Variants in ARMCX4 observed in about 807,000 individuals in gnomAD.
ARMCX4 encodes the protein armadillo repeat-containing X-linked protein 4.
A neutral mutation model predicts 34.7 loss-of-function variants in ARMCX4; 3 were observed. That is an observed-to-expected ratio of 0.09 (90% CI 0.04 to 0.22). The LOEUF (loss-of-function observed/expected upper bound fraction) is 0.22. Among genes scored for constraint, ARMCX4 ranks in the 10% least tolerant of loss-of-function variants. ARMCX4 has a pLI of 1.00. For missense variants in ARMCX4, 1,448 were observed against 1,720.8 expected (o/e 0.84, Z 2.81); for synonymous variants, 513 against 632.8 (o/e 0.81, Z 2.84).
At chrX:101,420,482 G>A (rs1929169465) in intron 2 of ARMCX4, among the ~76,000 whole-genome samples, 1 of 112,159 alleles carries the variant, frequency 8.9e-6, no homozygotes, top group Non-Finnish European at 1.9e-5. Flanking sequence ...AGTACAGTGG[G>A]GAGCCAAGTA....
intron 11 of ARMCX4, among the ~76,000 whole-genome samples, chrX:101,526,939 G>A (rs1301743453): frequency 9.0e-6 from 1 of 111,456 alleles, no homozygotes; most frequent in Non-Finnish European, 1.9e-5. Flanking sequence ...AGAAGGTTAA[G>A]AAGGATATCC....
intron 2 of ARMCX4, among the ~76,000 whole-genome samples, chrX:101,434,720 T>G (rs1488133432): frequency 3.7e-5 from 4 of 109,410 alleles, no homozygotes; most frequent in African/African-American, 1.3e-4. Context: ...ATGTGCCATG[T>G]TGGTGTGCTG....
intron 2 of ARMCX4, among the ~76,000 whole-genome samples, chrX:101,432,807 T>C (rs782471437): frequency 1.9e-5 from 2 of 105,269 alleles, no homozygotes; most frequent in African/African-American, 3.4e-5. Flanking sequence ...CACATGTATG[T>C]ATACATATAT....
downstream of ARMCX4, among the ~76,000 whole-genome samples, chrX:101,452,867 T>TTTATTATTATTATTA (rs10634734): frequency 0.017 from 1,740 of 102,129 alleles, 84 homozygotes; most frequent in Admixed American, 0.11. Flanking sequence ...GGCTGTTTGT[T>TTTATTATTATTATTA]TTATTATTAT....
intron 2 of ARMCX4, among the ~76,000 whole-genome samples, chrX:101,486,654 C>T (rs964776707): frequency 6.3e-5 from 7 of 111,334 alleles, no homozygotes; most frequent in Non-Finnish European, 9.4e-5. Flanking sequence ...CTTGTTGGGC[C>T]TAGTAGCTCT....
intron 7 of ARMCX4, chrX:101,504,802 A>G (rs1212756849): frequency 9.0e-6 from 1 of 111,453 alleles, no homozygotes; most frequent in Non-Finnish European, 1.9e-5. Context: ...CTTCTTGGGC[A>G]AAAAGGTCCA....
intron 2 of ARMCX4, among the ~76,000 whole-genome samples, chrX:101,420,563 C>A (rs1929178669): frequency 1.8e-5 from 2 of 110,890 alleles, no homozygotes; most frequent in Admixed American, 1.9e-4. Context: ...GTACATGGTG[C>A]AATGAGAGCC....
chrX:101,492,455 T>C lies in ARMCX4; in HGVS notation c.3866T>C (p.Val1289Ala). 6.9e-6 allele frequency: 8 copies of C among 1,151,956 alleles called. No homozygotes were observed. Among genetic ancestry groups the C allele is most frequent in the Non-Finnish European group, 9.2e-6 (8 of 871,414 alleles). The allele number at this position is 1,151,956 out of a possible 1,213,427, so 94.9% of individuals were successfully genotyped here. A position where few individuals can be genotyped will look rare whatever the true frequency, so the allele number is the denominator to read the frequency against. Reference sequence around the variant, plus strand: ...GCTGGGGCTGGGAATATGAGTAGTGTTTCATACTGGGCTGGGGTTGTGGAT... The same window carrying C: ...GCTGGGGCTGGGAATATGAGTAGTGCTTCATACTGGGCTGGGGTTGTGGAT... ...AGAGAGNMSSVSYWAGVVDQA... is the reference protein window; with the variant it reads ...AGAGAGNMSSASYWAGVVDQA... Residue 1289 changes from valine to alanine, a missense_variant, in exon 6 of 6, where the codon GTT becomes GCT. Around this residue, in one of 2 missense-constraint regions of ARMCX4, gnomAD observed 1,343 missense variants for 1,540.7 expected, o/e 0.87. Coordinates refer to ENST00000423738, the MANE Select transcript of ARMCX4 (RefSeq NM_001256155.3).
At chrX:101,449,637 A>C (rs782240091), downstream of ARMCX4, among the ~76,000 whole-genome samples, 25 of 111,633 alleles carry the variant, frequency 2.2e-4, no homozygotes, top group Non-Finnish European at 4.1e-4. Flanking sequence ...AATTTCTTTG[A>C]ATTTCCTCAA....
At position 101,489,406 on chromosome X, in the gene ARMCX4, G is replaced by A; in HGVS notation, c.817G>A (p.Gly273Arg). Residue 273 changes from glycine (G) to arginine (R), a missense_variant, in exon 6 of 6, where the codon GGA becomes AGA. Coordinates refer to ENST00000423738, the MANE Select transcript of ARMCX4 (RefSeq NM_001256155.3). ...CAATGGCATGTCCAGGGAGGTGGCT[G>A]GAGTGGACATGAAGTCCTGTGCACA... The part of the protein sequence containing the change: ...NPNGMSREVA[G>R]VDMKSCAQSQ... 1 of 1,155,623 alleles carries A rather than the reference G, an allele frequency of 8.7e-7. No individual in the cohort carries two copies. Among genetic ancestry groups the A allele is most frequent in the East Asian group, 3.2e-5 (1 of 30,778 alleles).
chrX:101,448,781 C>T (rs1416688938), downstream of ARMCX4, among the ~76,000 whole-genome samples: 4 of 110,438 alleles, frequency 3.6e-5, no homozygotes, highest in Admixed American at 1.9e-4. Context: ...TTAGGAGAGA[C>T]GGGGTTTCAC....
rs1412244962 is a variant in ARMCX4, at chrX:101,490,194, G to A, written c.1605G>A (p.Lys535=). The change falls in exon 6 of 6, where the codon AAG becomes AAA. Residue 535 remains lysine (K), a synonymous_variant. Transcript: ENST00000423738. ...RGKARGKAKA[K]CKTGPGMDMK... Reference sequence around the variant, plus strand: ...AGGCTAGGGGCAAAGCCAAAGCCAAGTGTAAGACAGGGCCTGGGATGGACA... The same window carrying A: ...AGGCTAGGGGCAAAGCCAAAGCCAAATGTAAGACAGGGCCTGGGATGGACA... 4 of 1,154,315 alleles carry A rather than the reference G, an allele frequency of 3.5e-6. No individual in the cohort carries two copies. The African/African-American group carries it at 5.4e-5, about 16-fold the overall frequency.
At chrX:101,519,437 G>C (rs183072911) in intron 11 of ARMCX4, among the ~76,000 whole-genome samples, 82 of 111,217 alleles carry the variant, frequency 7.4e-4, no homozygotes, top group African/African-American at 2.2e-3. Context: ...TCTGTGACTG[G>C]CTTATTTCAT....
chrX:101,432,830 G>A (rs1930193198), intron 2 of ARMCX4, among the ~76,000 whole-genome samples: 1 of 99,374 alleles, frequency 1.0e-5, no homozygotes, highest in Non-Finnish European at 2.0e-5. Flanking sequence ...GTATATACGT[G>A]TATATATGTA....
chrX:101,433,729 G>A (rs1444705907), intron 2 of ARMCX4, among the ~76,000 whole-genome samples: 1 of 111,063 alleles, frequency 9.0e-6, no homozygotes, highest in Non-Finnish European at 1.9e-5. Context: ...TATCGATTGA[G>A]TACAGAAAAC....
At chrX:101,434,868 G>C (rs1555993946) in intron 2 of ARMCX4, among the ~76,000 whole-genome samples, 3 of 103,620 alleles carry the variant, frequency 2.9e-5, no homozygotes, top group Admixed American at 2.2e-4. Context: ...ATTCCCATCT[G>C]TGAGTGAGAA....
intron 3 of ARMCX4, 148 bp from the exon 4 acceptor site, chrX:101,487,460 A>T: frequency 4.4e-6 from 1 of 228,854 alleles, no homozygotes; most frequent in South Asian, 4.6e-5. Flanking sequence ...CTGGGGGAAG[A>T]CTTGATGGGG....
At chrX:101,515,123 C>T (rs1335839801) in intron 11 of ARMCX4, among the ~76,000 whole-genome samples, 3 of 111,266 alleles carry the variant, frequency 2.7e-5, no homozygotes, top group Non-Finnish European at 5.7e-5. Context: ...CTTTCTTCTG[C>T]AACTTTATCC....
At chrX:101,521,039 C>A (rs1402059886) in intron 11 of ARMCX4, among the ~76,000 whole-genome samples, 1 of 108,245 alleles carries the variant, frequency 9.2e-6, no homozygotes, top group Non-Finnish European at 1.9e-5. Flanking sequence ...TGAAGCGATC[C>A]TCCTTCCTCA....
Sources: gnomAD v4.1 joint callset for allele counts (sites outside exome capture counted in the v4.1 genomes callset) on GRCh38, gnomAD v4.1.1 for gene constraint, gnomAD v4.1.1 regional missense constraint, MANE v1.5 for transcripts, NCBI Gene and HGNC (gene_info 2026-07-23, HGNC 2026-07-21) for gene names.